The following RBM18 variants were observed in gnomAD, a reference collection of about 807,000 sequenced individuals.
RBM18 encodes RNA binding motif protein 18.
A neutral mutation model predicts 26.4 loss-of-function variants in RBM18; 18 were observed. That is an observed-to-expected ratio of 0.68 (90% CI 0.47 to 1.01). The LOEUF (loss-of-function observed/expected upper bound fraction) is 1.01, where lower values mean the gene tolerates loss of function less well. Among genes scored for constraint, RBM18 ranks in the 50% least tolerant of loss-of-function variants. The probability of loss-of-function intolerance (pLI) is 0.00; values close to 1 mark genes in which losing one functional copy is unlikely to be tolerated. For missense variants in RBM18, 180 were observed against 219.2 expected (o/e 0.82, Z 1.13); for synonymous variants, 74 against 81.1 (o/e 0.91, Z 0.47).
intron 3 of RBM18, among the ~76,000 whole-genome samples, chr9:122,250,636 A>C (rs1831584689): frequency 6.6e-6 from 1 of 152,214 alleles, no homozygotes; most frequent in South Asian, 2.1e-4. Flanking sequence ...TGTCACCCTG[A>C]TGTGATTAAA....
intron 5 of RBM18, among the ~76,000 whole-genome samples, chr9:122,242,584 C>T (rs1297546800): frequency 6.6e-6 from 1 of 151,682 alleles, no homozygotes; most frequent in African/African-American, 2.4e-5. Flanking sequence ...TCTCTTTTTA[C>T]TGATGAATGC....
intron 1 of RBM18, among the ~76,000 whole-genome samples, chr9:122,262,786 T>C (rs892268350): frequency 2.6e-5 from 4 of 152,128 alleles, no homozygotes; most frequent in African/African-American, 9.7e-5. Flanking sequence ...GGTTTCACTA[T>C]GTTGGCCAGG....
chr9:122,253,380 C>G (rs945488438), intron 2 of RBM18, among the ~76,000 whole-genome samples: 11 of 152,114 alleles, frequency 7.2e-5, no homozygotes, highest in Admixed American at 1.3e-4. Flanking sequence ...ATGCAAGGAT[C>G]CCAAGGCATA....
At chr9:122,264,147 T>C (rs1000350388) in intron 1 of RBM18, among the ~76,000 whole-genome samples, 1 of 152,234 alleles carries the variant, frequency 6.6e-6, no homozygotes, top group Non-Finnish European at 1.5e-5. Context: ...TGGTGCTTAA[T>C]ATTTACTAAA....
chr9:122,245,320 C>A lies in RBM18; in HGVS notation c.349G>T (p.Asp117Tyr). 6.2e-7 allele frequency: 1 copy of A among 1,608,930 alleles called. No individual in the cohort carries two copies. The highest frequency in any genetic ancestry group is 1.1e-5 in the South Asian group (1 of 90,974). ...TCGAGACTGATTGGAAGAATCTTATCATTCTTGTTATGATCATATCTCTGA... is the reference window on the plus strand; with the variant it reads ...TCGAGACTGATTGGAAGAATCTTATAATTCTTGTTATGATCATATCTCTGA... ...QVKRYDHNKN[D>Y]KILPISLEPS... is the part of the protein sequence containing the mutation. The change falls in exon 5 of 6, where the codon GAT (aspartate) becomes TAT (tyrosine). Residue 117 changes from aspartate to tyrosine, a missense_variant. Physicochemically the swap from Asp to Tyr is radical, Grantham distance 160. Transcript: ENST00000417201.
chr9:122,247,538 A>G lies in RBM18; in HGVS notation c.307T>C (p.Trp103Arg), dbSNP rs778296954. The G allele has an allele frequency of 6.2e-7, 1 of 1,614,016 alleles. No homozygotes were observed. The highest frequency in any genetic ancestry group is 8.5e-7 in the Non-Finnish European group (1 of 1,179,974). ...LALSKKLVVRWAHAQVKRYDH... is the reference protein window; with the variant it reads ...LALSKKLVVRRAHAQVKRYDH... Reference sequence around the variant, plus strand: ...CGTACCTTTACTTGAGCATGTGCCCATCGCACCACCAGCTTCTTGGACAGG... The same window carrying G: ...CGTACCTTTACTTGAGCATGTGCCCGTCGCACCACCAGCTTCTTGGACAGG... Residue 103 changes from tryptophan to arginine, a missense_variant, in exon 4 of 6, where the codon TGG becomes CGG. By Grantham distance (101) the Trp-to-Arg change is moderately radical. This residue lies in a region of RBM18 where 28 missense variants were observed against 59.9 expected (regional missense o/e 0.47). Transcript: ENST00000417201.
chr9:122,259,003 C>T (rs1038665583), intron 2 of RBM18, among the ~76,000 whole-genome samples: 1 of 151,710 alleles, frequency 6.6e-6, no homozygotes, highest in African/African-American at 2.4e-5. Context: ...AGAAGCCAGC[C>T]ACAGGGAAAG....
intron 1 of RBM18, among the ~76,000 whole-genome samples, chr9:122,262,268 T>C (rs1831810181): frequency 6.6e-6 from 1 of 150,798 alleles, no homozygotes; most frequent in African/African-American, 2.4e-5. Flanking sequence ...CACCATTTGC[T>C]AGCTATGTAG....
rs1356203205 is a variant in RBM18 at position 122,241,229 on chromosome 9, G to C, written c.*655C>G. On this transcript the variant is annotated 3_prime_UTR_variant, in exon 6 of 6. Coordinates refer to ENST00000417201, the MANE Select transcript of RBM18 (RefSeq NM_033117.4). ...TGTTGTGGTATAAAATGTTAAATTT[G>C]ATTCTAGTTTTGTCAACACAAACAA... The C allele has an allele frequency of 6.6e-6, 1 of 152,180 alleles. No individual in the cohort carries two copies. Among genetic ancestry groups the C allele is most frequent in the Non-Finnish European group, 1.5e-5 (1 of 68,024 alleles). The allele number at this position is 152,180 out of a possible 1,614,324, so 9.4% of individuals were successfully genotyped here.
intron 3 of RBM18, 57 bp downstream of exon 3, chr9:122,251,789 AC>A (rs1442868819): frequency 2.8e-5 from 43 of 1,539,846 alleles, no homozygotes; most frequent in Admixed American, 5.1e-5. Context: ...AGAGACATGC[AC>A]AAATAATTAT....
Position 122,239,574 on chromosome 9 carries a change from A to G in RBM18, c.*2310T>C, listed in dbSNP as rs1380867493. The G allele has an allele frequency of 6.6e-6, 1 of 152,222 alleles. No individual in the cohort carries two copies. Among genetic ancestry groups the G allele is most frequent in the Admixed American group, 6.5e-5 (1 of 15,280 alleles). 9.4% of individuals were successfully genotyped at this position (152,222 alleles called of 1,614,324 possible). A position where few individuals can be genotyped will look rare whatever the true frequency, so the allele number is the denominator to read the frequency against. On this transcript the variant is annotated 3_prime_UTR_variant, in exon 6 of 6. Coordinates refer to ENST00000417201, the MANE Select transcript of RBM18 (RefSeq NM_033117.4). The stretch of plus-strand genomic sequence containing the variant: ...AAAATAACCAGTAAACCAAAGAATA[A>G]TTTTACTTAAAGTACAGACAACCTC...
intron 1 of RBM18, among the ~76,000 whole-genome samples, chr9:122,261,991 T>C (rs1730133506): frequency 6.6e-6 from 1 of 151,904 alleles, no homozygotes; most frequent in African/African-American, 2.4e-5. Context: ...ATATAAGAAA[T>C]CTGTGCGTAG....
intron 1 of RBM18, among the ~76,000 whole-genome samples, chr9:122,262,870 C>A (rs997276939): frequency 1.3e-5 from 2 of 152,150 alleles, no homozygotes; most frequent in Non-Finnish European, 2.9e-5. Flanking sequence ...CAGGTGTGAG[C>A]CACCATGCCC....
At chr9:122,253,983 G>A (rs1177470866) in intron 2 of RBM18, among the ~76,000 whole-genome samples, 7 of 148,138 alleles carry the variant, frequency 4.7e-5, no homozygotes, top group African/African-American at 1.5e-4. Flanking sequence ...AACCGAGATC[G>A]CACCACTGCA....
At chr9:122,253,751 C>G (rs1045325257) in intron 2 of RBM18, among the ~76,000 whole-genome samples, 8 of 150,908 alleles carry the variant, frequency 5.3e-5, no homozygotes, top group African/African-American at 2.0e-4. Flanking sequence ...CTAGGCCAGG[C>G]GCAGTGGCTC....
chr9:122,263,796 A>G (rs776870775), intron 1 of RBM18, among the ~76,000 whole-genome samples: 1 of 152,212 alleles, frequency 6.6e-6, no homozygotes, highest in Non-Finnish European at 1.5e-5. Flanking sequence ...AATATTTATT[A>G]CCACGAAAAG....
chr9:122,261,613 G>T, intron 1 of RBM18, 105 bp from the exon 2 acceptor site: 1 of 761,132 alleles, frequency 1.3e-6, no homozygotes, highest in South Asian at 1.7e-5. Context: ...CATGCCCTCT[G>T]GGCAGTCCTT....
At chr9:122,249,528 GGCGAACCCCC>G (rs1831564052) in intron 3 of RBM18, among the ~76,000 whole-genome samples, 1 of 150,830 alleles carries the variant, frequency 6.6e-6, no homozygotes, top group Admixed American at 6.6e-5. Flanking sequence ...CTGACAACAT[GGCGAACCCCC>G]GCTTCTACAA....
rs1588378446 is a variant in RBM18, at chr9:122,245,405, T to G, written c.328-64A>C. ...GAAACCAGCCCTTTACTGTAGTGGA[T>G]GGGTTCAGAAACTAATACCATCAGT... On this transcript the variant is annotated intron_variant, in intron 4 of 5. Coordinates refer to ENST00000417201, the MANE Select transcript of RBM18 (RefSeq NM_033117.4). 4.0e-6 allele frequency: 4 copies of G among 999,254 alleles called. No individual in the cohort carries two copies. The East Asian group carries it at 9.5e-5, about 24-fold the overall frequency. 61.9% of individuals were successfully genotyped at this position (999,254 alleles called of 1,614,324 possible). A position where few individuals can be genotyped will look rare whatever the true frequency, so the allele number is the denominator to read the frequency against.
Sources: allele counts gnomAD v4.1 joint callset (sites outside exome capture counted in the v4.1 genomes callset), GRCh38; gene constraint gnomAD v4.1.1; regional missense constraint gnomAD v4.1.1; transcripts MANE v1.5; gene names NCBI Gene and HGNC (gene_info 2026-07-23, HGNC 2026-07-21).